GLI1: variants seen among roughly 807,000 people sequenced by gnomAD.
The protein encoded by GLI1 is GLI family zinc finger 1, also known as transcription activator GLI1.
Under a neutral mutation model 87.8 loss-of-function variants are expected in GLI1, and 51 were observed. That is an observed-to-expected ratio of 0.58 (90% confidence interval 0.46 to 0.73). The LOEUF is 0.73. Ranked by LOEUF, GLI1 falls within the 30% of genes least tolerant of loss-of-function variation. GLI1 has a pLI of 0.00. For missense variants in GLI1, 1,292 were observed against 1,437.2 expected (o/e 0.90, Z 1.63); for synonymous variants, 528 against 558.2 (o/e 0.95, Z 0.76).
Position 57,472,203 on chromosome 12 carries a change from A to G in GLI1, c.*142A>G. 1.6e-6 allele frequency: 1 copy of G among 634,214 alleles called. No homozygotes were observed. 39.3% of individuals were successfully genotyped at this position (634,214 alleles called of 1,614,324 possible). A position where few individuals can be genotyped will look rare whatever the true frequency, so the allele number is the denominator to read the frequency against. ...GCTGGGGGCTATGTATAGTCTGTAT[A>G]CGTTTTGAGGAGAAATTTGATAATG... On this transcript the variant is annotated 3_prime_UTR_variant, in exon 12 of 12. Transcript: ENST00000228682.
At chr12:57,464,903 C>T in intron 4 of GLI1, 35 bp downstream of exon 4, 3 of 1,507,662 alleles carry the variant, frequency 2.0e-6, no homozygotes, top group Non-Finnish European at 2.8e-6. Flanking sequence ...GCCCCTAAAG[C>T]CCCTACCCAA....
At chr12:57,468,744 C>T (rs373477502) in intron 10 of GLI1, among the ~76,000 whole-genome samples, 29 of 151,780 alleles carry the variant, frequency 1.9e-4, no homozygotes, top group Middle Eastern at 3.4e-3. Context: ...TGAGCCAATG[C>T]ATCCAACCCA....
chr12:57,469,120 C>T (rs1381658892), intron 10 of GLI1, among the ~76,000 whole-genome samples: 1 of 152,182 alleles, frequency 6.6e-6, no homozygotes, highest in African/African-American at 2.4e-5. Context: ...GTACTCCTCA[C>T]AGCAACTTCA....
At position 57,470,886 on chromosome 12, in the gene GLI1, A is replaced by G; in HGVS notation, c.2146A>G (p.Ser716Gly). The change falls in exon 12 of 12, where the codon AGT (serine) becomes GGT (glycine). Residue 716 changes from serine to glycine, a missense_variant. Physicochemically the swap from Ser to Gly is moderately conservative, Grantham distance 56. This residue lies in a region of GLI1 where 897 missense variants were observed against 1,040.7 expected (regional missense o/e 0.86). Coordinates refer to ENST00000228682, the MANE Select transcript of GLI1 (RefSeq NM_005269.3). ...EPEVGTSMVG[S>G]GLNPYMDFPP... Reference sequence around the variant, plus strand: ...AGAAGTTGGGACCTCCATGGTGGGCAGTGGTCTGAACCCCTATATGGACTT... The same window carrying G: ...AGAAGTTGGGACCTCCATGGTGGGCGGTGGTCTGAACCCCTATATGGACTT... The G allele has an allele frequency of 6.2e-7, 1 of 1,612,578 alleles. No individual in the cohort carries two copies. The highest frequency in any genetic ancestry group is 8.5e-7 in the Non-Finnish European group (1 of 1,179,164).
chr12:57,469,753 G>A, intron 11 of GLI1, 55 bp downstream of exon 11: 3 of 1,557,210 alleles, frequency 1.9e-6, no homozygotes, highest in Non-Finnish European at 2.6e-6. Flanking sequence ...CTGCCCTGAG[G>A]TTGAGAGGAG....
In GLI1 at chr12:57,465,199, GC is replaced by G; in HGVS notation, c.481del (p.Arg161GlyfsTer4). 6.2e-7 allele frequency: 1 copy of G among 1,613,916 alleles called. No individual in the cohort carries two copies. The highest frequency in any genetic ancestry group is 8.5e-7 in the Non-Finnish European group (1 of 1,179,912). Reference protein sequence around the residue: ...GVQPCGPHDSARGGMIPHPQS... With the variant: ...GVQPCGPHDSXRGGMIPHPQS... ...CCAGCCTTGTGGTCCCCATGACTCT[GC>G]CCGGGGTGGGATGATCCCACATCCT... On this transcript the variant is annotated frameshift_variant, in exon 5 of 12. Coordinates refer to ENST00000228682, the MANE Select transcript of GLI1 (RefSeq NM_005269.3). LOFTEE classifies it high-confidence loss of function.
rs1370846684 is a variant in GLI1, at chr12:57,459,800, T to C, written c.-429T>C. ...GGGGGGGGGCGTAAGCAGTATAGGGTCCCTCAAGGGAGGGGGAGGATCCTG... is the reference window on the plus strand; with the variant it reads ...GGGGGGGGGCGTAAGCAGTATAGGGCCCCTCAAGGGAGGGGGAGGATCCTG... On this transcript the variant is annotated 5_prime_UTR_variant, in exon 1 of 12. Coordinates refer to ENST00000228682, the MANE Select transcript of GLI1 (RefSeq NM_005269.3). Among the ~76,000 whole-genome samples, 20 of 124,876 alleles carry C rather than the reference T, an allele frequency of 1.6e-4. No homozygotes were observed. Among genetic ancestry groups the C allele is most frequent in the South Asian group, 2.7e-4 (1 of 3,686 alleles). 81.9% of individuals were successfully genotyped at this position (124,876 alleles called of 152,430 possible).
intron 1 of GLI1, among the ~76,000 whole-genome samples, chr12:57,462,438 G>C (rs572984313): frequency 6.0e-5 from 9 of 149,426 alleles, no homozygotes; most frequent in South Asian, 2.1e-4. Flanking sequence ...GCCCGCTCCC[G>C]GTGGTTCTCC....
At position 57,470,919 on chromosome 12, in the gene GLI1, A is replaced by G; in HGVS notation, c.2179A>G (p.Thr727Ala). ...GLNPYMDFPP[T>A]DTLGYGGPEG... Reference sequence around the variant, plus strand: ...GAACCCCTATATGGACTTCCCACCTACTGATACTCTGGGATATGGGGGACC... The same window carrying G: ...GAACCCCTATATGGACTTCCCACCTGCTGATACTCTGGGATATGGGGGACC... The change falls in exon 12 of 12, where the codon ACT becomes GCT. Residue 727 changes from threonine (T) to alanine (A), a missense_variant. Coordinates refer to ENST00000228682, the MANE Select transcript of GLI1 (RefSeq NM_005269.3). 1.9e-6 allele frequency: 3 copies of G among 1,613,926 alleles called. No individual in the cohort carries two copies. Among genetic ancestry groups the G allele is most frequent in the Non-Finnish European group, 2.5e-6 (3 of 1,179,886 alleles).
At chr12:57,464,547 CAGAT>C (rs898670707) in intron 3 of GLI1, 122 bp from the exon 4 acceptor site, 54 of 618,168 alleles carry the variant, frequency 8.7e-5, no homozygotes, top group Admixed American at 2.4e-4. Context: ...AAAAAAGTCA[CAGAT>C]AGCATCAATA....
chr12:57,463,703 G>C lies in GLI1; in HGVS notation c.12G>C (p.Ser4=), dbSNP rs768242494. Residue 4 remains serine, a synonymous_variant, in exon 2 of 12, where the codon TCG becomes TCC. Transcript: ENST00000228682. ...TCCTCTGAGACGCCATGTTCAACTCGATGACCCCACCACCAATCAGTAGCT... is the reference window on the plus strand; with the variant it reads ...TCCTCTGAGACGCCATGTTCAACTCCATGACCCCACCACCAATCAGTAGCT... MFN[S]MTPPPISSYG... 19 of 1,610,414 alleles carry C rather than the reference G, an allele frequency of 1.2e-5. No individual in the cohort carries two copies. The East Asian group carries it at 4.0e-4, about 34-fold the overall frequency.
chr12:57,465,311 G>C, intron 5 of GLI1, 56 bp downstream of exon 5: 4 of 1,444,080 alleles, frequency 2.8e-6, no homozygotes, highest in Non-Finnish European at 1.9e-6. Context: ...GGTGGGTGGT[G>C]GATTTTGTAG....
Position 57,468,070 on chromosome 12 carries a change from C to T in GLI1, c.1154C>T (p.Thr385Ile). The change falls in exon 10 of 12, where the codon ACA becomes ATA. Residue 385 changes from threonine to isoleucine, a missense_variant. Physicochemically the swap from Thr to Ile is moderately conservative, Grantham distance 89. This residue lies in a region of GLI1 where 897 missense variants were observed against 1,040.7 expected (regional missense o/e 0.86). Transcript: ENST00000228682. ...DPSSLRKHVK[T>I]VHGPDAHVTK... ...AGCTCGCTGCGAAAACATGTCAAGA[C>T]AGTGCATGGTCCTGACGCCCATGTG... is the stretch of plus-strand genomic sequence containing the variant. The T allele has an allele frequency of 6.2e-7, 1 of 1,614,182 alleles. No homozygotes were observed. The highest frequency in any genetic ancestry group is 1.1e-5 in the South Asian group (1 of 91,084).
rs1195338225 is a variant in GLI1 at position 57,463,760 on chromosome 12, C to T, written c.69C>T (p.Pro23=). The T allele has an allele frequency of 2.5e-6, 4 of 1,609,020 alleles. No individual in the cohort carries two copies. Among genetic ancestry groups the T allele is most frequent in the Admixed American group, 1.7e-5 (1 of 59,954 alleles). The change falls in exon 2 of 12, where the codon CCC becomes CCT. Residue 23 remains proline, a synonymous_variant. Transcript: ENST00000228682. ...AGCCCTGCTGTCTCCGGCCCCTCCC[C>T]AGTCAGGGGGCCCCCAGTGTGGGGA... ...YGEPCCLRPL[P]SQGAPSVGTE...
At position 57,470,331 on chromosome 12, in the gene GLI1, C is replaced by T. The variant is rs756509884; in HGVS notation, c.1591C>T (p.Arg531Cys). Residue 531 changes from arginine to cysteine, a missense_variant, in exon 12 of 12, where the codon CGC (arginine) becomes TGC (cysteine). Around this residue, in one of 3 missense-constraint regions of GLI1, gnomAD observed 897 missense variants for 1,040.7 expected, o/e 0.86. Transcript: ENST00000228682. ...ATCACTTGCAGGTACCACTGTGTCC[C>T]GCCGCGTGGGCCCCCCAGTCTCTCT... is the stretch of plus-strand genomic sequence containing the variant. ...SLSHTGTTVS[R>C]RVGPPVSLER... 5.5e-5 allele frequency: 87 copies of T among 1,568,908 alleles called. No individual in the cohort carries two copies. Among genetic ancestry groups the T allele is most frequent in the Admixed American group, 1.3e-4 (7 of 54,310 alleles).
intron 7 of GLI1, 39 bp downstream of exon 7, chr12:57,465,964 C>A: frequency 1.3e-6 from 2 of 1,590,718 alleles, no homozygotes; most frequent in Non-Finnish European, 1.7e-6. Context: ...TAGCCAGAAC[C>A]TTTAGGAGAT....
chr12:57,461,713 T>A (rs1291756609), intron 1 of GLI1, among the ~76,000 whole-genome samples: 1 of 150,746 alleles, frequency 6.6e-6, no homozygotes, highest in South Asian at 2.1e-4. Context: ...CGGAGCCGTC[T>A]GCAGCCAGTG....
rs368262823 is a variant in GLI1, at chr12:57,472,065, G to C, written c.*4G>C. ...ATTCCTCAACTCTAGTGCCTAAAGA[G>C]TAGGGAATCTCATCCATCACAGATC... On this transcript the variant is annotated 3_prime_UTR_variant, in exon 12 of 12. Transcript: ENST00000228682. 3.4e-6 allele frequency: 5 copies of C among 1,477,290 alleles called. No homozygotes were observed. Among genetic ancestry groups the C allele is most frequent in the Non-Finnish European group, 4.5e-6 (5 of 1,107,992 alleles). The allele number at this position is 1,477,290 out of a possible 1,614,324, so 91.5% of individuals were successfully genotyped here. A position where few individuals can be genotyped will look rare whatever the true frequency, so the allele number is the denominator to read the frequency against.
intron 9 of GLI1, 94 bp from the exon 10 acceptor site, chr12:57,467,900 C>T (rs1437178054): frequency 7.3e-6 from 6 of 825,676 alleles, no homozygotes; most frequent in Non-Finnish European, 1.0e-5. Flanking sequence ...TGTGCTCCTC[C>T]CCTGCCCCCT....
Sources: gnomAD v4.1 joint callset for allele counts (sites outside exome capture counted in the v4.1 genomes callset) on GRCh38, gnomAD v4.1.1 for gene constraint, gnomAD v4.1.1 regional missense constraint, MANE v1.5 for transcripts, NCBI Gene and HGNC (gene_info 2026-07-23, HGNC 2026-07-21) for gene names.